CDH11: variants seen among roughly 807,000 people sequenced by gnomAD.
The protein encoded by CDH11 is cadherin 11, also known as cadherin-11.
Under a neutral mutation model 67.8 loss-of-function variants are expected in CDH11, and 11 were observed. The ratio of observed to expected loss-of-function variants is 0.16; its 90% confidence interval spans 0.10 to 0.27. The LOEUF is 0.27. Ranked by LOEUF, CDH11 falls within the 10% of genes least tolerant of loss-of-function variation. The pLI, the probability that CDH11 is intolerant of heterozygous loss-of-function variation, is 1.00. For synonymous variants in CDH11, 419 were observed against 400.0 expected, an observed-to-expected ratio of 1.05 and a Z score of -0.57; for missense variants, 847 against 1,031.2, an observed-to-expected ratio of 0.82 and a Z score of 2.45.
chr16:65,069,356 C>T (rs889671073), intron 1 of CDH11, among the ~76,000 whole-genome samples: 1 of 152,172 alleles, frequency 6.6e-6, no homozygotes, highest in Non-Finnish European at 1.5e-5. Context: ...AAGGACAATT[C>T]GTGAGTCAGA....
At chr16:65,041,936 C>T (rs564705832) in intron 2 of CDH11, among the ~76,000 whole-genome samples, 2 of 152,282 alleles carry the variant, frequency 1.3e-5, no homozygotes, top group South Asian at 4.1e-4. Context: ...GAGTAATGGT[C>T]CAGGAGGAAC....
At chr16:65,023,809 C>T (rs538718153) in intron 2 of CDH11, among the ~76,000 whole-genome samples, 1 of 152,264 alleles carries the variant, frequency 6.6e-6, no homozygotes, top group Non-Finnish European at 1.5e-5. Context: ...GTGAGGATGA[C>T]CAGAGTTCGC....
chr16:64,965,808 ACACACACAC>A (rs1451061962), intron 11 of CDH11, among the ~76,000 whole-genome samples: 4 of 127,786 alleles, frequency 3.1e-5, no homozygotes, highest in African/African-American at 1.0e-4. Context: ...ACACACACAC[ACACACACAC>A]AAGCTTATTT....
At chr16:65,070,392 T>G (rs1443828535) in intron 1 of CDH11, among the ~76,000 whole-genome samples, 1 of 152,142 alleles carries the variant, frequency 6.6e-6, no homozygotes, top group Admixed American at 6.5e-5. Context: ...AGTCTGACAA[T>G]CCAGGGTTCA....
At chr16:65,026,187 G>A (rs559873892) in intron 2 of CDH11, among the ~76,000 whole-genome samples, 2 of 152,180 alleles carry the variant, frequency 1.3e-5, no homozygotes, top group African/African-American at 4.8e-5. Flanking sequence ...CTACTAATTA[G>A]CTTTTTTAAT....
chr16:64,963,077 A>C (rs2071716725), intron 11 of CDH11, among the ~76,000 whole-genome samples: 1 of 152,238 alleles, frequency 6.6e-6, no homozygotes, highest in Non-Finnish European at 1.5e-5. Context: ...GGCAGAACAA[A>C]AAATCCTACA....
At chr16:65,021,061 G>A (rs1018137141) in intron 2 of CDH11, among the ~76,000 whole-genome samples, 11 of 152,016 alleles carry the variant, frequency 7.2e-5, no homozygotes, top group African/African-American at 2.4e-4. Context: ...TCATTGGGAG[G>A]TGGGGACATT....
In CDH11 at chr16:65,121,851, G is replaced by A. The variant is rs2075337358; in HGVS notation, c.-298+29C>T. ...CCATTCCAAGAAGCCCCAACCAGGC[G>A]AGAGGAAGGGACTGGCGGCGCACCT... On this transcript the variant is annotated intron_variant, in intron 1 of 12. Transcript: ENST00000268603. The surrounding 1 kb of genome is among the most constrained non-coding windows in gnomAD (Gnocchi z 4.1). 2.8e-6 allele frequency: 2 copies of A among 701,836 alleles called. No individual in the cohort carries two copies. The highest frequency in any genetic ancestry group is 1.5e-5 in the South Asian group (1 of 67,570). 43.5% of individuals were successfully genotyped at this position (701,836 alleles called of 1,614,324 possible).
At chr16:64,961,698 C>G (rs1331974842) in intron 11 of CDH11, among the ~76,000 whole-genome samples, 1 of 152,068 alleles carries the variant, frequency 6.6e-6, no homozygotes, top group Non-Finnish European at 1.5e-5. Flanking sequence ...TGTACCTTAT[C>G]AAATGATTGT....
chr16:64,945,431 C>T lies in CDH11; in HGVS notation c.*2172G>A, dbSNP rs2071180120. The stretch of plus-strand genomic sequence containing the variant: ...TGTCATCTCTAATCCAAATACATTC[C>T]TAGAGAAAAGGATCATCCATGGTGA... On this transcript the variant is annotated 3_prime_UTR_variant, in exon 13 of 13. Transcript: ENST00000268603. 3 of 1,034,910 alleles carry T rather than the reference C, an allele frequency of 2.9e-6. No homozygotes were observed. The highest frequency in any genetic ancestry group is 3.5e-6 in the Non-Finnish European group (3 of 859,052). The allele number at this position is 1,034,910 out of a possible 1,614,324, so 64.1% of individuals were successfully genotyped here.
intron 1 of CDH11, among the ~76,000 whole-genome samples, chr16:65,120,814 A>G (rs2075312939): frequency 6.6e-6 from 1 of 152,110 alleles, no homozygotes; most frequent in Middle Eastern, 3.2e-3. Context: ...AAAACGGACA[A>G]GGAAGCCGGA....
At position 64,945,928 on chromosome 16, in the gene CDH11, G is replaced by T; in HGVS notation, c.*1675C>A. On this transcript the variant is annotated 3_prime_UTR_variant, in exon 13 of 13. Transcript: ENST00000268603. ...GGGAAAGAGGGAAAGCACTTGCAGT[G>T]TGACTTTATGTGGTCTTTCCCCAAG... 9.4e-7 allele frequency: 1 copy of T among 1,058,680 alleles called. No homozygotes were observed. Among genetic ancestry groups the T allele is most frequent in the Non-Finnish European group, 1.1e-6 (1 of 875,156 alleles). 65.6% of individuals were successfully genotyped at this position (1,058,680 alleles called of 1,614,324 possible).
At position 65,007,391 on chromosome 16, in the gene CDH11, T is replaced by A. The variant is rs564944678; in HGVS notation, c.-172-2350A>T. 3.8e-4 allele frequency among the ~76,000 whole-genome samples: 58 copies of A among 152,206 alleles called. No homozygotes were observed. In the South Asian group the frequency reaches 0.011, roughly 30 times the overall value. On this transcript the variant is annotated intron_variant, in intron 2 of 12. Coordinates refer to ENST00000268603, the MANE Select transcript of CDH11 (RefSeq NM_001797.4). ...ACTTTGGGATATGTAAAAGGCTACG[T>A]GGGAGAGAGAGAAAGATGGAAAAGG...
intron 1 of CDH11, among the ~76,000 whole-genome samples, chr16:65,104,725 T>A (rs1204227142): frequency 6.6e-6 from 1 of 152,158 alleles, no homozygotes; most frequent in African/African-American, 2.4e-5. Flanking sequence ...GTGAAGCATA[T>A]ACCAAGATCA....
chr16:65,046,341 C>T (rs745378695), intron 2 of CDH11, among the ~76,000 whole-genome samples: 23 of 152,180 alleles, frequency 1.5e-4, no homozygotes, highest in African/African-American at 4.3e-4. Context: ...GCCCAAGAAG[C>T]GCTTGCTGAG....
chr16:64,954,945 A>C (rs907679602), intron 11 of CDH11, among the ~76,000 whole-genome samples: 2 of 81,926 alleles, frequency 2.4e-5, no homozygotes, highest in African/African-American at 6.7e-5. Flanking sequence ...CTCTACTAAA[A>C]AATAAAAAAA....
intron 1 of CDH11, among the ~76,000 whole-genome samples, chr16:65,072,419 T>G (rs2074434004): frequency 6.6e-6 from 1 of 152,172 alleles, no homozygotes; most frequent in Non-Finnish European, 1.5e-5. Context: ...ACCAGGCTCA[T>G]GGTACCCCCA....
At chr16:65,002,933 T>C (rs1177192228) in intron 3 of CDH11, among the ~76,000 whole-genome samples, 1 of 150,866 alleles carries the variant, frequency 6.6e-6, no homozygotes, top group Non-Finnish European at 1.5e-5. Flanking sequence ...TTTTTTTCTT[T>C]TTTTTTTTTT....
chr16:65,114,106 G>A (rs1271106444), intron 1 of CDH11, among the ~76,000 whole-genome samples: 1 of 152,156 alleles, frequency 6.6e-6, no homozygotes, highest in African/African-American at 2.4e-5. Context: ...TGCTTTTAAT[G>A]ACTAGAGTTA....
Sources: gnomAD v4.1 joint callset for allele counts (sites outside exome capture counted in the v4.1 genomes callset) on GRCh38, gnomAD v4.1.1 for gene constraint, Gnocchi (gnomAD v3.1) non-coding constraint, MANE v1.5 for transcripts, NCBI Gene and HGNC (gene_info 2026-07-23, HGNC 2026-07-21) for gene names.